LYPD6: variants seen among roughly 807,000 people sequenced by gnomAD.
The protein encoded by LYPD6 is LY6/PLAUR domain containing 6.
In LYPD6, 15 loss-of-function variants were observed where a neutral mutation model predicts 22.7. The observed-to-expected ratio is 0.66, with a 90% CI of 0.44 to 1.02. The LOEUF (loss-of-function observed/expected upper bound fraction) is 1.02. LYPD6 is among the 50% of genes least tolerant of loss of function. The pLI is 0.00. For missense variants in LYPD6, 189 were observed against 208.4 expected, an observed-to-expected ratio of 0.91 and a Z score of 0.57; for synonymous variants, 72 against 77.5, an observed-to-expected ratio of 0.93 and a Z score of 0.37.
intron 1 of LYPD6, among the ~76,000 whole-genome samples, chr2:149,346,488 G>A (rs1236784253): frequency 1.3e-5 from 2 of 152,082 alleles, no homozygotes; most frequent in African/African-American, 2.4e-5. Flanking sequence ...ATTTCCCCTC[G>A]GGAATGCTCA....
chr2:149,483,563 T>G, the LYPD6 span, among the ~76,000 whole-genome samples: 2 of 152,218 alleles, frequency 1.3e-5, no homozygotes, highest in Non-Finnish European at 2.9e-5. Flanking sequence ...ACTCAAATTC[T>G]GACTGTAAAT....
chr2:149,470,437 G>T, intron 4 of LYPD6, among the ~76,000 whole-genome samples: 1 of 152,272 alleles, frequency 6.6e-6, no homozygotes, highest in East Asian at 1.9e-4. Flanking sequence ...GAATCGTATG[G>T]GTGGAGGGTG....
chr2:149,359,627 G>C (rs375532605), intron 1 of LYPD6, among the ~76,000 whole-genome samples: 2 of 152,320 alleles, frequency 1.3e-5, no homozygotes, highest in South Asian at 2.1e-4. Flanking sequence ...TACAGAAAAG[G>C]ACCAGAAGCC....
At chr2:149,355,031 AATTT>A (rs1681426206) in intron 1 of LYPD6, among the ~76,000 whole-genome samples, 1 of 152,202 alleles carries the variant, frequency 6.6e-6, no homozygotes, top group Non-Finnish European at 1.5e-5. Flanking sequence ...AGAAAACTAG[AATTT>A]ATTTAATTAA....
At chr2:149,444,139 G>T (rs1683628958) in intron 2 of LYPD6, among the ~76,000 whole-genome samples, 1 of 152,010 alleles carries the variant, frequency 6.6e-6, no homozygotes, top group Admixed American at 6.6e-5. Flanking sequence ...TCTTCATGTT[G>T]CTAAGGCTGG....
intron 1 of LYPD6, among the ~76,000 whole-genome samples, chr2:149,407,840 T>A (rs1353316494): frequency 6.6e-6 from 1 of 152,222 alleles, no homozygotes; most frequent in Non-Finnish European, 1.5e-5. Flanking sequence ...TTTTCTGCTC[T>A]GTTTTTTCCC....
At chr2:149,410,284 G>A (rs1012584839) in intron 1 of LYPD6, among the ~76,000 whole-genome samples, 1 of 151,922 alleles carries the variant, frequency 6.6e-6, no homozygotes, top group Non-Finnish European at 1.5e-5. Flanking sequence ...TACATTTTTA[G>A]TTGTTTTTAA....
chr2:149,466,137 C>T (rs968986211), intron 3 of LYPD6, among the ~76,000 whole-genome samples: 4 of 152,090 alleles, frequency 2.6e-5, no homozygotes, highest in Non-Finnish European at 5.9e-5. Flanking sequence ...ATGTGGCCCA[C>T]CTAGTTCTAC....
chr2:149,353,023 C>T (rs1215648097), intron 1 of LYPD6, among the ~76,000 whole-genome samples: 2 of 152,206 alleles, frequency 1.3e-5, no homozygotes, highest in Admixed American at 6.5e-5. Flanking sequence ...ATGCAGTGTA[C>T]AGACTCATTC....
chr2:149,442,057 G>A (rs1683580410), intron 2 of LYPD6, among the ~76,000 whole-genome samples: 1 of 152,142 alleles, frequency 6.6e-6, no homozygotes, highest in Non-Finnish European at 1.5e-5. Context: ...ATTTATTTCT[G>A]TCAGAAATAT....
At chr2:149,438,584 T>C (rs985071099) in intron 2 of LYPD6, among the ~76,000 whole-genome samples, 1 of 152,256 alleles carries the variant, frequency 6.6e-6, no homozygotes, top group Non-Finnish European at 1.5e-5. Flanking sequence ...CCAAGGTGCA[T>C]TACTCTTTTG....
In LYPD6 at chr2:149,369,550, A is replaced by G. The variant is rs191335770; in HGVS notation, c.-72+38828A>G. Among the ~76,000 whole-genome samples, 425 of 152,254 alleles carry G rather than the reference A, an allele frequency of 2.8e-3. 6 individuals are homozygous for G. Among genetic ancestry groups the G allele is most frequent in the Non-Finnish European group, 3.4e-3 (228 of 68,024 alleles). On this transcript the variant is annotated intron_variant, in intron 1 of 4. Coordinates refer to ENST00000334166, the MANE Select transcript of LYPD6 (RefSeq NM_194317.5). ...AGGTGCCCATGGTGTCATGCAATAC[A>G]AATGTGGCTAATGAGGGCCCACCCT...
intron 1 of LYPD6, among the ~76,000 whole-genome samples, chr2:149,369,436 T>A (rs1196714): frequency 5.9e-5 from 9 of 151,932 alleles, no homozygotes; most frequent in South Asian, 4.1e-4. Flanking sequence ...TGAAGCCTCC[T>A]CAGATAATGA....
chr2:149,475,976 T>C (rs1681444915), downstream of LYPD6, among the ~76,000 whole-genome samples: 1 of 152,188 alleles, frequency 6.6e-6, no homozygotes, highest in African/African-American at 2.4e-5. Context: ...GGCATTTTAC[T>C]AGAAAGCCAT....
Position 149,468,757 on chromosome 2 carries a change from C to T in LYPD6, c.330C>T (p.Ser110=), listed in dbSNP as rs114079351. 11 of 1,613,348 alleles carry T rather than the reference C, an allele frequency of 6.8e-6. No homozygotes were observed. The highest frequency in any genetic ancestry group is 4.5e-5 in the East Asian group (2 of 44,868). The change falls in exon 4 of 5, where the codon TCC becomes TCT. Residue 110 remains serine (S), a synonymous_variant. Transcript: ENST00000334166. ...GCTTATCCACTGGCTGCAGAGACTCCGAGCATGAAGGCCACAAGGTCTGGG... is the reference window on the plus strand; with the variant it reads ...GCTTATCCACTGGCTGCAGAGACTCTGAGCATGAAGGCCACAAGGTCTGGG... ...EECLSTGCRD[S]EHEGHKVCTS...
intron 1 of LYPD6, among the ~76,000 whole-genome samples, chr2:149,361,503 A>G (rs1681570298): frequency 6.6e-6 from 1 of 152,334 alleles, no homozygotes; most frequent in Admixed American, 6.5e-5. Flanking sequence ...TCTTAAATAC[A>G]CATCACTTTC....
In LYPD6 at chr2:149,389,110, A is replaced by C. The variant is rs535882645; in HGVS notation, c.-71-48528A>C. 1.6e-4 allele frequency among the ~76,000 whole-genome samples: 24 copies of C among 152,168 alleles called. No homozygotes were observed. In the South Asian group the frequency reaches 2.3e-3, roughly 14 times the overall value. On this transcript the variant is annotated intron_variant, in intron 1 of 4. Coordinates refer to ENST00000334166, the MANE Select transcript of LYPD6 (RefSeq NM_194317.5). ...AAGAGTGACTAGAAGGTTAAAAAAA[A>C]CCCCTAAGTTTTGGCTTTTAAAGAC... is the stretch of plus-strand genomic sequence containing the variant.
At chr2:149,469,053 T>C (rs1284228392) in intron 4 of LYPD6, among the ~76,000 whole-genome samples, 2 of 152,200 alleles carry the variant, frequency 1.3e-5, no homozygotes, top group Non-Finnish European at 2.9e-5. Context: ...GTAATAAAGC[T>C]ACCAGAAAAA....
At chr2:149,416,970 A>G (rs1263545635) in intron 1 of LYPD6, among the ~76,000 whole-genome samples, 2 of 152,102 alleles carry the variant, frequency 1.3e-5, no homozygotes, top group Non-Finnish European at 2.9e-5. Context: ...GCATGGGAAG[A>G]TGTTATGCTG....
Sources: gnomAD v4.1 joint callset for allele counts (sites outside exome capture counted in the v4.1 genomes callset) on GRCh38, gnomAD v4.1.1 for gene constraint, MANE v1.5 for transcripts, NCBI Gene and HGNC (gene_info 2026-07-23, HGNC 2026-07-21) for gene names.